TSHZ2: variants seen among roughly 807,000 people sequenced by gnomAD.
TSHZ2 encodes teashirt homolog 2.
A neutral mutation model predicts 74.4 loss-of-function variants in TSHZ2; 21 were observed. The ratio of observed to expected loss-of-function variants is 0.28; its 90% CI spans 0.20 to 0.41. The LOEUF (loss-of-function observed/expected upper bound fraction) is 0.41, where lower values mean the gene tolerates loss of function less well. TSHZ2 is among the 10% of genes least tolerant of loss of function. TSHZ2 has a pLI of 1.00. For synonymous variants in TSHZ2, 540 were observed against 515.3 expected, an observed-to-expected ratio of 1.05 and a Z score of -0.65; for missense variants, 1,244 against 1,293.5, an observed-to-expected ratio of 0.96 and a Z score of 0.59.
chr20:53,205,731 C>T (rs529482261), intron 1 of TSHZ2, among the ~76,000 whole-genome samples: 1 of 152,118 alleles, frequency 6.6e-6, no homozygotes, highest in African/African-American at 2.4e-5. Context: ...AATGAATACT[C>T]CTCCTGCTCC....
intron 2 of TSHZ2, among the ~76,000 whole-genome samples, chr20:53,372,812 C>T (rs1258727766): frequency 6.6e-6 from 1 of 152,206 alleles, no homozygotes; most frequent in Admixed American, 6.5e-5. Context: ...GATAGCTCCT[C>T]ACTTTGAGAC....
chr20:53,397,487 A>C (rs1982492240), intron 2 of TSHZ2, among the ~76,000 whole-genome samples: 2 of 152,356 alleles, frequency 1.3e-5, no homozygotes, highest in African/African-American at 4.8e-5. Flanking sequence ...CAGGTGCTGG[A>C]GAGGATGTGG....
chr20:53,190,105 A>ATATATATATG (rs1721540644), intron 1 of TSHZ2, among the ~76,000 whole-genome samples: 1 of 62,710 alleles, frequency 1.6e-5, no homozygotes, highest in African/African-American at 8.0e-5. Flanking sequence ...ATATATATAT[A>ATATATATATG]TATATATATA....
intron 1 of TSHZ2, among the ~76,000 whole-genome samples, chr20:53,222,304 C>A (rs1018893473): frequency 1.3e-5 from 2 of 152,136 alleles, no homozygotes; most frequent in African/African-American, 4.8e-5. Context: ...GCCACCAACC[C>A]TTGAAATCTT....
chr20:53,243,822 C>CT (rs5841936), intron 1 of TSHZ2, among the ~76,000 whole-genome samples: 52,524 of 145,546 alleles, frequency 0.36, 10,778 homozygotes, highest in Admixed American at 0.48. Flanking sequence ...TGCTTGCTTG[C>CT]TTTTTTTTTT....
intron 1 of TSHZ2, among the ~76,000 whole-genome samples, chr20:53,221,549 G>T (rs1167296116): frequency 6.6e-6 from 1 of 152,184 alleles, no homozygotes; most frequent in African/African-American, 2.4e-5. Context: ...GAAGAAATCT[G>T]ATGGCCAAGG....
intron 1 of TSHZ2, among the ~76,000 whole-genome samples, chr20:53,140,206 T>A (rs1320333857): frequency 1.3e-5 from 2 of 151,964 alleles, no homozygotes; most frequent in Non-Finnish European, 2.9e-5. Context: ...ATATATAATA[T>A]GATATACTAA....
chr20:53,224,477 G>A (rs1213658532), intron 1 of TSHZ2, among the ~76,000 whole-genome samples: 1 of 152,168 alleles, frequency 6.6e-6, no homozygotes. Context: ...GAACAGAACT[G>A]TTCTCATGAT....
chr20:53,211,358 T>A (rs1345809756), intron 1 of TSHZ2, among the ~76,000 whole-genome samples: 1 of 152,114 alleles, frequency 6.6e-6, no homozygotes, highest in Non-Finnish European at 1.5e-5. Context: ...CCACTCAGGG[T>A]CCCTGGCTCC....
chr20:52,994,391 CGGAT>C lies in TSHZ2; in HGVS notation c.40+21076_40+21079del, dbSNP rs796839747. ...ATGGATGGATGAATGGATGGATAAA[CGGAT>C]GGATGGATGGATGGATGAGTAGATG... On this transcript the variant is annotated intron_variant, in intron 1 of 2. Transcript: ENST00000371497. 4.6e-5 allele frequency among the ~76,000 whole-genome samples: 7 copies of C among 150,676 alleles called. No individual in the cohort carries two copies. In the East Asian group the frequency reaches 5.8e-4, roughly 13 times the overall value.
chr20:53,382,916 A>G (rs1981909884), intron 2 of TSHZ2, among the ~76,000 whole-genome samples: 1 of 152,200 alleles, frequency 6.6e-6, no homozygotes, highest in South Asian at 2.1e-4. Flanking sequence ...CCTTATCTGC[A>G]AAATGGGATA....
At chr20:53,190,137 A>ATATATATATT (rs1568803538) in intron 1 of TSHZ2, among the ~76,000 whole-genome samples, 6 of 90,498 alleles carry the variant, frequency 6.6e-5, no homozygotes, top group Non-Finnish European at 1.3e-4. Context: ...ATATATATAT[A>ATATATATATT]TTTTCTTAAA....
chr20:53,082,399 TCTCA>T (rs1042281684), intron 1 of TSHZ2, among the ~76,000 whole-genome samples: 8 of 152,226 alleles, frequency 5.3e-5, no homozygotes, highest in African/African-American at 1.4e-4. Context: ...CTCTTATCTT[TCTCA>T]CTGAGTGGGA....
At chr20:53,177,388 A>G (rs1988368921) in intron 1 of TSHZ2, among the ~76,000 whole-genome samples, 1 of 152,220 alleles carries the variant, frequency 6.6e-6, no homozygotes, top group Admixed American at 6.5e-5. Flanking sequence ...TAATGTGCGT[A>G]TGAATCTACT....
At chr20:53,460,368 G>A (rs1487018101) in intron 2 of TSHZ2, among the ~76,000 whole-genome samples, 1 of 151,828 alleles carries the variant, frequency 6.6e-6, no homozygotes, top group African/African-American at 2.4e-5. Context: ...CATTCTTCAC[G>A]TAGTTCTCCA....
chr20:53,055,586 C>T (rs1302048925), intron 1 of TSHZ2, among the ~76,000 whole-genome samples: 1 of 152,140 alleles, frequency 6.6e-6, no homozygotes, highest in Non-Finnish European at 1.5e-5. Context: ...CCCATTTTTA[C>T]TCCTCCTCTC....
intron 2 of TSHZ2, among the ~76,000 whole-genome samples, chr20:53,275,006 A>AT (rs1180987442): frequency 1.3e-5 from 2 of 151,928 alleles, no homozygotes; most frequent in East Asian, 1.9e-4. Context: ...TCAAGCATTG[A>AT]TTTTTTTCTG....
chr20:53,140,515 G>C (rs1987366132), intron 1 of TSHZ2, among the ~76,000 whole-genome samples: 1 of 140,602 alleles, frequency 7.1e-6, no homozygotes, highest in Non-Finnish European at 1.5e-5. Context: ...ACTCCAGCCT[G>C]GGTGACAGAG....
chr20:53,035,150 C>T (rs547530182), intron 1 of TSHZ2, among the ~76,000 whole-genome samples: 8 of 152,326 alleles, frequency 5.3e-5, no homozygotes, highest in South Asian at 2.1e-4. Context: ...TCAGCCCACA[C>T]GACTACAAGC....
Sources: allele counts gnomAD v4.1 joint callset (sites outside exome capture counted in the v4.1 genomes callset), GRCh38; gene constraint gnomAD v4.1.1; transcripts MANE v1.5; gene names NCBI Gene and HGNC (gene_info 2026-07-23, HGNC 2026-07-21).